The following EPHA6 variants were observed in gnomAD, a reference collection of about 807,000 sequenced individuals.
EPHA6 encodes the protein EPH receptor A6.
In EPHA6, 50 loss-of-function variants were observed where a neutral mutation model predicts 112.0. That is an observed-to-expected ratio of 0.45 (90% CI 0.36 to 0.56). EPHA6 has a LOEUF of 0.56. Ranked by LOEUF, EPHA6 falls within the 20% of genes least tolerant of loss-of-function variation. EPHA6 has a pLI of 0.00. For missense variants in EPHA6, 1,280 were observed against 1,417.4 expected (o/e 0.90, Z 1.56); for synonymous variants, 529 against 490.7 (o/e 1.08, Z -1.03).
chr3:97,217,746 T>C (rs1559805145), intron 3 of EPHA6, among the ~76,000 whole-genome samples: 1 of 152,136 alleles, frequency 6.6e-6, no homozygotes, highest in African/African-American at 2.4e-5. Context: ...AATAATATGG[T>C]CCATGTAGGG....
intron 3 of EPHA6, among the ~76,000 whole-genome samples, chr3:97,017,436 T>C (rs114674904): frequency 0.024 from 3,646 of 152,270 alleles, 155 homozygotes; most frequent in African/African-American, 0.083. Context: ...TAGAAGGGAA[T>C]TGTCCATCCC....
intron 3 of EPHA6, among the ~76,000 whole-genome samples, chr3:97,028,246 G>C (rs895801652): frequency 6.8e-5 from 10 of 146,652 alleles, no homozygotes; most frequent in Non-Finnish European, 2.9e-5. Context: ...AATTTCCCTG[G>C]TGAATTTGTA....
intron 3 of EPHA6, among the ~76,000 whole-genome samples, chr3:97,091,761 T>C (rs1339529758): frequency 6.6e-6 from 1 of 152,190 alleles, no homozygotes; most frequent in African/African-American, 2.4e-5. Context: ...TATGAATGTA[T>C]TTATTGTAAA....
chr3:97,648,191 C>G, intron 14 of EPHA6: 1 of 579,676 alleles, frequency 1.7e-6, no homozygotes, highest in South Asian at 2.8e-5. Context: ...AGTCGAAATA[C>G]TTTGTTGAAA....
chr3:97,595,527 C>T (rs941222751), intron 12 of EPHA6, among the ~76,000 whole-genome samples: 3 of 152,072 alleles, frequency 2.0e-5, no homozygotes, highest in Non-Finnish European at 4.4e-5. Context: ...CACCTGTAAT[C>T]TCAGCTACTT....
chr3:97,231,516 G>A (rs1292876873), intron 4 of EPHA6, among the ~76,000 whole-genome samples: 1 of 152,136 alleles, frequency 6.6e-6, no homozygotes, highest in Non-Finnish European at 1.5e-5. Context: ...GCATGGTGAG[G>A]GGGCATATAA....
intron 11 of EPHA6, among the ~76,000 whole-genome samples, chr3:97,565,296 T>C (rs1422189610): frequency 1.3e-5 from 2 of 152,088 alleles, no homozygotes; most frequent in Non-Finnish European, 2.9e-5. Context: ...TTTGTAGTAA[T>C]AACAGCCCTA....
Position 96,814,722 on chromosome 3 carries a change from C to T in EPHA6, c.99C>T (p.Pro33=), listed in dbSNP as rs748286139. The T allele has an allele frequency of 1.3e-6, 2 of 1,570,578 alleles. No homozygotes were observed. Among genetic ancestry groups the T allele is most frequent in the Admixed American group, 3.6e-5 (2 of 55,056 alleles). ...CACCTGCAACTGGGCAGCCTGGACC[C>T]TCGTGCCCTGTTCCCGGGACCTCGC... The part of the protein sequence containing the change: ...AAAPATGQPG[P]SCPVPGTSRR... Residue 33 remains proline, a synonymous_variant, in exon 1 of 18, where the codon CCC becomes CCT. Coordinates refer to ENST00000389672, the MANE Select transcript of EPHA6 (RefSeq NM_001080448.3).
At chr3:97,249,847 T>C (rs2095807049) in intron 5 of EPHA6, among the ~76,000 whole-genome samples, 1 of 152,234 alleles carries the variant, frequency 6.6e-6, no homozygotes. Context: ...ATTGACTGTT[T>C]AGCTTCTGGC....
chr3:97,312,619 A>T (rs2081614186), intron 5 of EPHA6, among the ~76,000 whole-genome samples: 1 of 151,582 alleles, frequency 6.6e-6, no homozygotes, highest in Admixed American at 6.6e-5. Flanking sequence ...CAATCTATAT[A>T]CATATTTTAT....
intron 11 of EPHA6, among the ~76,000 whole-genome samples, chr3:97,564,402 T>C (rs1377998221): frequency 6.6e-6 from 1 of 152,174 alleles, no homozygotes; most frequent in Non-Finnish European, 1.5e-5. Flanking sequence ...AATTCTGTTA[T>C]GTAAAACTTG....
intron 14 of EPHA6, among the ~76,000 whole-genome samples, chr3:97,645,502 C>G (rs1242715618): frequency 8.4e-6 from 1 of 119,546 alleles, no homozygotes; most frequent in Non-Finnish European, 1.6e-5. Flanking sequence ...ATATCACACT[C>G]TGGGGACTGT....
intron 10 of EPHA6, among the ~76,000 whole-genome samples, chr3:97,527,364 C>A (rs2092635899): frequency 6.6e-6 from 1 of 152,130 alleles, no homozygotes; most frequent in Admixed American, 6.6e-5. Context: ...ACCTCATACC[C>A]CAATCCAAGG....
At chr3:96,861,759 G>T (rs1391052345) in intron 1 of EPHA6, among the ~76,000 whole-genome samples, 1 of 151,876 alleles carries the variant, frequency 6.6e-6, no homozygotes, top group East Asian at 1.9e-4. Context: ...AAAACAAAAT[G>T]CTGTAAGTAC....
chr3:97,288,571 A>G (rs1342155230), intron 5 of EPHA6, among the ~76,000 whole-genome samples: 1 of 152,138 alleles, frequency 6.6e-6, no homozygotes, highest in Non-Finnish European at 1.5e-5. Context: ...TTTTAGTAGA[A>G]TGAATTTTGG....
chr3:97,021,743 C>T (rs2044469279), intron 3 of EPHA6, among the ~76,000 whole-genome samples: 1 of 152,158 alleles, frequency 6.6e-6, no homozygotes, highest in Non-Finnish European at 1.5e-5. Context: ...GCCTTATAAC[C>T]CTATTTAATG....
intron 3 of EPHA6, among the ~76,000 whole-genome samples, chr3:97,197,886 G>A (rs1022083011): frequency 6.6e-6 from 1 of 152,028 alleles, no homozygotes; most frequent in Non-Finnish European, 1.5e-5. Flanking sequence ...GGCTACAGTA[G>A]GTCTAAATAC....
intron 3 of EPHA6, among the ~76,000 whole-genome samples, chr3:97,029,375 C>A (rs2044748886): frequency 1.3e-5 from 2 of 150,966 alleles, no homozygotes; most frequent in African/African-American, 2.4e-5. Flanking sequence ...TAATAAAGAC[C>A]ATTTTTAAAT....
intron 5 of EPHA6, among the ~76,000 whole-genome samples, chr3:97,333,000 CTT>C (rs1488474408): frequency 6.6e-6 from 1 of 151,872 alleles, no homozygotes; most frequent in Non-Finnish European, 1.5e-5. Context: ...CTACAGAAAA[CTT>C]TGTTTTCAGT....
Sources: gnomAD v4.1 joint callset for allele counts (sites outside exome capture counted in the v4.1 genomes callset) on GRCh38, gnomAD v4.1.1 for gene constraint, MANE v1.5 for transcripts, NCBI Gene and HGNC (gene_info 2026-07-23, HGNC 2026-07-21) for gene names.